Variants in ZPLD1 observed in about 807,000 individuals in gnomAD.
The protein encoded by ZPLD1 is zona pellucida like domain containing 1, also known as zona pellucida-like domain-containing protein 1.
Under a neutral mutation model 47.2 loss-of-function variants are expected in ZPLD1, and 34 were observed. The ratio of observed to expected loss-of-function variants is 0.72; its 90% CI spans 0.55 to 0.96. ZPLD1 has a LOEUF of 0.96. ZPLD1 is among the 40% of genes least tolerant of loss of function. The pLI, the probability that ZPLD1 is intolerant of heterozygous loss-of-function variation, is 0.00. For synonymous variants in ZPLD1, 176 were observed against 186.2 expected, an observed-to-expected ratio of 0.95 and a Z score of 0.45; for missense variants, 512 against 505.8, an observed-to-expected ratio of 1.01 and a Z score of -0.12.
At chr3:102,403,337 T>C (rs1706645654) in intron 7 of ZPLD1, among the ~76,000 whole-genome samples, 1 of 151,990 alleles carries the variant, frequency 6.6e-6, no homozygotes, top group Admixed American at 6.6e-5. Flanking sequence ...GATGAGCTTT[T>C]GTTTCCAAGT....
At chr3:102,472,031 A>G (rs756905504) in intron 10 of ZPLD1, among the ~76,000 whole-genome samples, 2 of 152,226 alleles carry the variant, frequency 1.3e-5, no homozygotes, top group Non-Finnish European at 2.9e-5. Context: ...TTTGCCTGAA[A>G]TAGGCAAATC....
chr3:102,455,474 A>G (rs1707398842), intron 4 of ZPLD1, among the ~76,000 whole-genome samples: 1 of 152,226 alleles, frequency 6.6e-6, no homozygotes. Flanking sequence ...CTAGAAGTAG[A>G]TAAGTATCTT....
intron 6 of ZPLD1, among the ~76,000 whole-genome samples, chr3:102,386,804 T>G (rs1041873191): frequency 6.6e-6 from 1 of 152,112 alleles, no homozygotes; most frequent in African/African-American, 2.4e-5. Flanking sequence ...GAAATATATA[T>G]GCCAATTTAG....
intron 7 of ZPLD1, among the ~76,000 whole-genome samples, chr3:102,400,030 A>G (rs1476973725): frequency 1.3e-5 from 2 of 151,768 alleles, no homozygotes; most frequent in African/African-American, 4.8e-5. Context: ...TGTTGGACAG[A>G]CTGGTCTTGA....
At chr3:102,467,207 G>A (rs148812513) in intron 8 of ZPLD1, among the ~76,000 whole-genome samples, 48 of 152,110 alleles carry the variant, frequency 3.2e-4, no homozygotes, top group African/African-American at 9.9e-4. Flanking sequence ...CTCACCACTT[G>A]GAAGTTGTAA....
At chr3:102,415,876 A>G (rs1259877246) in intron 7 of ZPLD1, among the ~76,000 whole-genome samples, 1 of 151,882 alleles carries the variant, frequency 6.6e-6, no homozygotes, top group African/African-American at 2.4e-5. Flanking sequence ...GCCTTAATCT[A>G]AATTCAACCT....
At position 102,477,491 on chromosome 3, in the gene ZPLD1, T is replaced by G; in HGVS notation, c.1121T>G (p.Leu374Arg). 6.2e-7 allele frequency: 1 copy of G among 1,613,828 alleles called. No individual in the cohort carries two copies. The highest frequency in any genetic ancestry group is 2.2e-5 in the East Asian group (1 of 44,882). Reference protein sequence around the residue: ...PFQLNAITSALISGMVILGVT... With the variant: ...PFQLNAITSARISGMVILGVT... The stretch of plus-strand genomic sequence containing the variant: ...CAGCTGAACGCCATCACCAGCGCAC[T>G]GATATCAGGAATGGTCATTCTGGGA... Residue 374 changes from leucine (L) to arginine (R), a missense_variant, in exon 12 of 12, where the codon CTG becomes CGG. By Grantham distance (102) the Leu-to-Arg change is moderately radical (BLOSUM62 -2). Transcript: ENST00000466937.
intron 5 of ZPLD1, among the ~76,000 whole-genome samples, chr3:102,457,219 C>A (rs567112363): frequency 6.6e-6 from 1 of 152,230 alleles, no homozygotes; most frequent in African/African-American, 2.4e-5. Context: ...ATGATAAGCA[C>A]CTTGGTCAGA....
intron 6 of ZPLD1, among the ~76,000 whole-genome samples, chr3:102,386,438 T>A (rs1003132423): frequency 6.6e-6 from 1 of 152,148 alleles, no homozygotes; most frequent in African/African-American, 2.4e-5. Flanking sequence ...AATTCTTTCA[T>A]CACAGGCAAA....
intron 7 of ZPLD1, among the ~76,000 whole-genome samples, chr3:102,392,571 T>G: frequency 6.9e-6 from 1 of 144,788 alleles, no homozygotes; most frequent in East Asian, 2.0e-4. Flanking sequence ...TCCTCCTTCC[T>G]CCTTCCCCCT....
intron 7 of ZPLD1, among the ~76,000 whole-genome samples, chr3:102,404,216 C>A (rs892655300): frequency 1.3e-5 from 2 of 151,856 alleles, no homozygotes. Context: ...TTATTGCATG[C>A]AGCATAAACT....
At chr3:102,390,181 A>G (rs959500201) in intron 6 of ZPLD1, among the ~76,000 whole-genome samples, 14 of 152,170 alleles carry the variant, frequency 9.2e-5, no homozygotes, top group Non-Finnish European at 2.9e-5. Flanking sequence ...CGTACAATCT[A>G]TATTAAAACC....
intron 8 of ZPLD1, among the ~76,000 whole-genome samples, chr3:102,418,610 C>G (rs546439383): frequency 6.6e-6 from 1 of 152,048 alleles, no homozygotes; most frequent in Middle Eastern, 3.4e-3. Flanking sequence ...TGAATTCCAG[C>G]CACAGACTTT....
chr3:102,467,158 G>A (rs1352249085), intron 8 of ZPLD1, among the ~76,000 whole-genome samples: 1 of 152,054 alleles, frequency 6.6e-6, no homozygotes, highest in African/African-American at 2.4e-5. Flanking sequence ...TATATACAGA[G>A]AGACAGCAAT....
chr3:102,408,960 G>A (rs541986540), intron 7 of ZPLD1, among the ~76,000 whole-genome samples: 1 of 150,296 alleles, frequency 6.7e-6, no homozygotes, highest in South Asian at 2.1e-4. Flanking sequence ...CAGATATCTA[G>A]TACAATGGAC....
At chr3:102,433,506 C>CA (rs1017202484), upstream of ZPLD1, among the ~76,000 whole-genome samples, 6 of 152,128 alleles carry the variant, frequency 3.9e-5, no homozygotes, top group Admixed American at 3.9e-4. Flanking sequence ...TACATTAAAT[C>CA]AATTTTTGAA....
At chr3:102,403,620 T>C (rs1706649328) in intron 7 of ZPLD1, among the ~76,000 whole-genome samples, 1 of 152,038 alleles carries the variant, frequency 6.6e-6, no homozygotes, top group South Asian at 2.1e-4. Context: ...TTTAATTCAA[T>C]AGCTTAATCA....
intron 7 of ZPLD1, among the ~76,000 whole-genome samples, chr3:102,393,268 G>A (rs541045885): frequency 4.7e-4 from 72 of 152,234 alleles, no homozygotes; most frequent in African/African-American, 1.7e-3. Flanking sequence ...CGGCCCAGAA[G>A]TATATTAAGC....
rs542446244 is a variant in ZPLD1, at chr3:102,392,956, A to G, written c.-157+731A>G. On this transcript the variant is annotated intron_variant, in intron 7 of 17. Transcript: ENST00000491959. The stretch of plus-strand genomic sequence containing the variant: ...TCAAAAATAATAGCAGGAAATTGAA[A>G]TTTGAAAACATTTTCTTGATATCTG... 3.1e-4 allele frequency among the ~76,000 whole-genome samples: 47 copies of G among 152,296 alleles called. No individual in the cohort carries two copies. In the East Asian group the frequency reaches 8.9e-3, roughly 29 times the overall value.
Sources: gnomAD v4.1 joint callset for allele counts (sites outside exome capture counted in the v4.1 genomes callset) on GRCh38, gnomAD v4.1.1 for gene constraint, MANE v1.5 for transcripts, NCBI Gene and HGNC (gene_info 2026-07-23, HGNC 2026-07-21) for gene names.